SGIP1: variants seen among roughly 807,000 people sequenced by gnomAD.
SGIP1 encodes the protein SH3GL interacting endocytic adaptor 1, also known as SH3-containing GRB2-like protein 3-interacting protein 1.
A neutral mutation model predicts 107.5 loss-of-function variants in SGIP1; 38 were observed. The observed-to-expected ratio is 0.35, with a 90% CI of 0.27 to 0.46. The LOEUF is 0.46. Among genes scored for constraint, SGIP1 ranks in the 20% least tolerant of loss-of-function variants. The pLI is 1.00. For synonymous variants in SGIP1, 365 were observed against 366.1 expected (o/e 1.00, Z 0.03); for missense variants, 929 against 1,019.5 (o/e 0.91, Z 1.21).
chr1:66,678,458 C>T (rs2149943926), intron 13 of SGIP1, among the ~76,000 whole-genome samples: 1 of 152,258 alleles, frequency 6.6e-6, no homozygotes, highest in Middle Eastern at 3.4e-3. Context: ...GCTTATTAGG[C>T]TTTTACAGTA....
At chr1:66,599,316 C>T in intron 1 of SGIP1, among the ~76,000 whole-genome samples, 1 of 152,120 alleles carries the variant, frequency 6.6e-6, no homozygotes, top group East Asian at 1.9e-4. Flanking sequence ...CATAAAATCC[C>T]ATAAGATAGG....
rs597810 is a variant in SGIP1, at chr1:66,750,007, C to T, written c.*6912C>T. Among the ~76,000 whole-genome samples, 15 of 104,642 alleles carry T rather than the reference C, an allele frequency of 1.4e-4. No homozygotes were observed. The highest frequency in any genetic ancestry group is 2.5e-4 in the Non-Finnish European group (12 of 48,168). 68.6% of individuals were successfully genotyped at this position (104,642 alleles called of 152,430 possible). On this transcript the variant is annotated 3_prime_UTR_variant, in exon 25 of 25. Coordinates refer to ENST00000371037, the MANE Select transcript of SGIP1 (RefSeq NM_032291.4). ...TATCTAATTCATATTCTCTCTCTCT[C>T]TCTCTCTCTTTCTCTGTGTGTGTGT...
rs2094539878 is a variant in SGIP1 at position 66,745,463 on chromosome 1, G to A, written c.*2368G>A. On this transcript the variant is annotated 3_prime_UTR_variant, in exon 25 of 25. Coordinates refer to ENST00000371037, the MANE Select transcript of SGIP1 (RefSeq NM_032291.4). Reference sequence around the variant, plus strand: ...GGGATTTGCATTTTGACATTTTGTTGTTTCTTTTTAATTTTGTAGATTATA... The same window carrying A: ...GGGATTTGCATTTTGACATTTTGTTATTTCTTTTTAATTTTGTAGATTATA... The A allele has an allele frequency of 1.3e-5, 2 of 151,912 alleles. No individual in the cohort carries two copies. Among genetic ancestry groups the A allele is most frequent in the Admixed American group, 6.6e-5 (1 of 15,258 alleles). 9.4% of individuals were successfully genotyped at this position (151,912 alleles called of 1,614,324 possible).
At chr1:66,583,384 G>A (rs1030697591) in intron 1 of SGIP1, among the ~76,000 whole-genome samples, 5 of 151,992 alleles carry the variant, frequency 3.3e-5, no homozygotes, top group African/African-American at 1.2e-4. Context: ...TGGGGAGTAG[G>A]CCCCAATAAC....
intron 1 of SGIP1, among the ~76,000 whole-genome samples, chr1:66,553,474 G>T (rs940430255): frequency 6.6e-6 from 1 of 151,936 alleles, no homozygotes; most frequent in Admixed American, 6.6e-5. Context: ...TCAGAAGTTT[G>T]CGACCAACCT....
chr1:66,636,833 T>C (rs184784893), intron 4 of SGIP1, among the ~76,000 whole-genome samples: 1 of 152,284 alleles, frequency 6.6e-6, no homozygotes, highest in East Asian at 1.9e-4. Context: ...ACTGAGAATT[T>C]TGATGAATGT....
At chr1:66,681,805 C>G in intron 14 of SGIP1, 64 bp from the exon 15 acceptor site, 1 of 1,522,668 alleles carries the variant, frequency 6.6e-7, no homozygotes, top group East Asian at 2.3e-5. Flanking sequence ...CTTTGCCTCC[C>G]TCCCTCACTC....
intron 16 of SGIP1, 25 bp downstream of exon 16, chr1:66,689,300 G>C (rs745339902): frequency 6.2e-7 from 1 of 1,605,458 alleles, no homozygotes; most frequent in South Asian, 1.1e-5. Flanking sequence ...GCCCTGGCTT[G>C]CTCAGAAACA....
intron 2 of SGIP1, among the ~76,000 whole-genome samples, chr1:66,630,841 A>AGAGAGAG (rs1570908943): frequency 5.6e-5 from 1 of 17,958 alleles, no homozygotes; most frequent in Non-Finnish European, 9.8e-5. Context: ...GAAAGAAAGA[A>AGAGAGAG]AGAAAGAAAG....
chr1:66,670,070 A>G (rs2083423604), intron 9 of SGIP1, among the ~76,000 whole-genome samples: 1 of 152,164 alleles, frequency 6.6e-6, no homozygotes, highest in Non-Finnish European at 1.5e-5. Context: ...GCTTTCTTAT[A>G]TGTACTTCAG....
At chr1:66,623,466 G>C (rs772388316) in intron 1 of SGIP1, among the ~76,000 whole-genome samples, 1 of 152,118 alleles carries the variant, frequency 6.6e-6, no homozygotes, top group Admixed American at 6.6e-5. Flanking sequence ...GGCCAGGCTG[G>C]TCTCAAACTC....
intron 17 of SGIP1, chr1:66,690,655 G>A (rs186691997): frequency 1.1e-4 from 20 of 176,880 alleles, no homozygotes; most frequent in African/African-American, 4.5e-4. Flanking sequence ...TCCTTTGAGG[G>A]GAAATGTTTG....
At chr1:66,727,553 G>A (rs1000406832) in intron 19 of SGIP1, among the ~76,000 whole-genome samples, 5 of 152,188 alleles carry the variant, frequency 3.3e-5, no homozygotes, top group Non-Finnish European at 7.4e-5. Flanking sequence ...AAATGACAGG[G>A]TATATTCATA....
At chr1:66,577,604 G>C (rs2061244838) in intron 1 of SGIP1, among the ~76,000 whole-genome samples, 1 of 152,110 alleles carries the variant, frequency 6.6e-6, no homozygotes, top group Non-Finnish European at 1.5e-5. Flanking sequence ...ATAGTGACAA[G>C]TGTATTTATC....
chr1:66,677,152 C>A, intron 13 of SGIP1, 56 bp downstream of exon 13: 2 of 1,392,902 alleles, frequency 1.4e-6, no homozygotes, highest in Non-Finnish European at 2.0e-6. Context: ...TAGTGTCTGT[C>A]TGCATAGTGA....
intron 1 of SGIP1, among the ~76,000 whole-genome samples, chr1:66,613,504 A>G (rs912953590): frequency 6.6e-6 from 1 of 152,038 alleles, no homozygotes; most frequent in Non-Finnish European, 1.5e-5. Flanking sequence ...TATTTTTTGT[A>G]TTTTTAGTAG....
chr1:66,578,412 G>A (rs1391589604), intron 1 of SGIP1, among the ~76,000 whole-genome samples: 1 of 152,176 alleles, frequency 6.6e-6, no homozygotes, highest in East Asian at 1.9e-4. Context: ...TAACTCACAA[G>A]CTTGAATTAT....
At chr1:66,599,872 C>T (rs1431328030) in intron 1 of SGIP1, among the ~76,000 whole-genome samples, 2 of 152,150 alleles carry the variant, frequency 1.3e-5, no homozygotes, top group Non-Finnish European at 2.9e-5. Context: ...CACTTGGGAT[C>T]TATTTTCAAC....
intron 11 of SGIP1, among the ~76,000 whole-genome samples, chr1:66,672,991 A>G (rs899651295): frequency 1.3e-5 from 2 of 152,150 alleles, no homozygotes; most frequent in Admixed American, 6.5e-5. Flanking sequence ...GAAAATCATG[A>G]TGCTTTGAAA....
Sources: gnomAD v4.1 joint callset for allele counts (sites outside exome capture counted in the v4.1 genomes callset) on GRCh38, gnomAD v4.1.1 for gene constraint, MANE v1.5 for transcripts, NCBI Gene and HGNC (gene_info 2026-07-23, HGNC 2026-07-21) for gene names.